PHLPP1: variants seen among roughly 807,000 people sequenced by gnomAD.
PHLPP1 encodes PH domain and leucine rich repeat protein phosphatase 1.
PHLPP1 carries 42 observed loss-of-function variants against 117.2 expected under a neutral mutation model. The ratio of observed to expected loss-of-function variants is 0.36; its 90% CI spans 0.28 to 0.46. The LOEUF is 0.46. Among genes scored for constraint, PHLPP1 ranks in the 20% least tolerant of loss-of-function variants. The pLI, the probability that PHLPP1 is intolerant of heterozygous loss-of-function variation, is 1.00. For missense variants in PHLPP1, 2,084 were observed against 2,241.9 expected (o/e 0.93, Z 1.42); for synonymous variants, 1,042 against 970.7 (o/e 1.07, Z -1.37).
intron 8 of PHLPP1, among the ~76,000 whole-genome samples, chr18:62,913,739 CTTTTTTT>C (rs398033174): frequency 9.9e-6 from 1 of 100,750 alleles, no homozygotes; most frequent in African/African-American, 4.0e-5. Flanking sequence ...CTCTCTCTCT[CTTTTTTT>C]TTTTTTTTTT....
intron 10 of PHLPP1, among the ~76,000 whole-genome samples, chr18:62,934,112 G>T (rs1328460980): frequency 5.3e-5 from 8 of 152,146 alleles, no homozygotes; most frequent in Non-Finnish European, 1.2e-4. Flanking sequence ...AACATACATT[G>T]TTGGTAGGAA....
chr18:62,766,105 A>ATATATATTATATATATATATATT (rs1400280407), intron 1 of PHLPP1, among the ~76,000 whole-genome samples: 1 of 59,480 alleles, frequency 1.7e-5, no homozygotes, highest in Admixed American at 2.0e-4. Context: ...ATATATATAA[A>ATATATATTATATATATATATATT]ATATATATAT....
chr18:62,768,352 C>T (rs1005842835), intron 1 of PHLPP1, among the ~76,000 whole-genome samples: 1 of 151,980 alleles, frequency 6.6e-6, no homozygotes, highest in Non-Finnish European at 1.5e-5. Context: ...AAAAACGGAA[C>T]CAGACATGAC....
rs140629534 is a variant in PHLPP1 at position 62,929,927 on chromosome 18, A to G, written c.2960+9813A>G. Among the ~76,000 whole-genome samples the G allele has an allele frequency of 1.1e-3, 168 of 152,298 alleles. 2 individuals are homozygous for G. In the East Asian group the frequency reaches 0.013, roughly 12 times the overall value. ...AGCTATGATTGGACCACTGCACTCT[A>G]GCCTGAGTGACAGACCGTCTCTAAA... On this transcript the variant is annotated intron_variant, in intron 10 of 16. Coordinates refer to ENST00000262719, the MANE Select transcript of PHLPP1 (RefSeq NM_194449.4).
chr18:62,951,067 C>T (rs531441222), intron 12 of PHLPP1, among the ~76,000 whole-genome samples: 7 of 151,812 alleles, frequency 4.6e-5, no homozygotes, highest in Admixed American at 1.3e-4. Context: ...CCGCAAGTTC[C>T]GCCTCCCAGG....
At chr18:62,890,042 G>A (rs1299920154) in intron 4 of PHLPP1, among the ~76,000 whole-genome samples, 2 of 151,718 alleles carry the variant, frequency 1.3e-5, no homozygotes, top group East Asian at 3.9e-4. Context: ...TTCTGTAGGG[G>A]GCACTTGGCA....
intron 10 of PHLPP1, among the ~76,000 whole-genome samples, chr18:62,925,438 C>T (rs963429895): frequency 2.0e-5 from 3 of 152,110 alleles, no homozygotes; most frequent in Non-Finnish European, 2.9e-5. Flanking sequence ...TTCAAATGAG[C>T]TTTGTGGTAA....
chr18:62,979,796 C>T lies in PHLPP1; in HGVS notation c.*365C>T, dbSNP rs1949760091. ...TGGAAGGCAGGGCAGGCTGCCGTTG[C>T]TAAATGATTTAATAATATTGTAATT... On this transcript the variant is annotated 3_prime_UTR_variant, in exon 17 of 17. Transcript: ENST00000262719. The T allele has an allele frequency of 5.2e-6, 1 of 192,294 alleles. No individual in the cohort carries two copies. The highest frequency in any genetic ancestry group is 2.3e-5 in the African/African-American group (1 of 42,686). The allele number at this position is 192,294 out of a possible 1,614,324, so 11.9% of individuals were successfully genotyped here. A position where few individuals can be genotyped will look rare whatever the true frequency, so the allele number is the denominator to read the frequency against.
chr18:62,933,306 A>G (rs1010234828), intron 10 of PHLPP1, among the ~76,000 whole-genome samples: 2 of 152,202 alleles, frequency 1.3e-5, no homozygotes, highest in Non-Finnish European at 2.9e-5. Context: ...AGCCAAAACA[A>G]TCCTAAGCAA....
Position 62,963,438 on chromosome 18 carries a change from C to T in PHLPP1, c.3526C>T (p.His1176Tyr). 1 of 1,613,126 alleles carries T rather than the reference C, an allele frequency of 6.2e-7. No individual in the cohort carries two copies. Among genetic ancestry groups the T allele is most frequent in the Non-Finnish European group, 8.5e-7 (1 of 1,179,466 alleles). ...TTCCGGAGCCCCAGCTGTATGGAGT[C>T]ATGGTTACACTGAAGCTTCGGGGGT... ...DASGAPAVWS[H>Y]GYTEASGVKN... Residue 1176 changes from histidine to tyrosine, a missense_variant, in exon 14 of 17, where the codon CAT becomes TAT. His to Tyr is a moderately conservative substitution (Grantham distance 83). Coordinates refer to ENST00000262719, the MANE Select transcript of PHLPP1 (RefSeq NM_194449.4).
intron 1 of PHLPP1, among the ~76,000 whole-genome samples, chr18:62,780,476 C>A (rs2144277884): frequency 6.6e-6 from 1 of 152,298 alleles, no homozygotes; most frequent in South Asian, 2.1e-4. Context: ...TTTAGCACAT[C>A]AGTTTTACTT....
rs566760310 is a variant in PHLPP1 at position 62,750,269 on chromosome 18, T to A, written c.1576+33010T>A. Among the ~76,000 whole-genome samples, 4 of 152,292 alleles carry A rather than the reference T, an allele frequency of 2.6e-5. No individual in the cohort carries two copies. The East Asian group carries it at 7.7e-4, about 29-fold the overall frequency. On this transcript the variant is annotated intron_variant, in intron 1 of 16. Coordinates refer to ENST00000262719, the MANE Select transcript of PHLPP1 (RefSeq NM_194449.4). ...CAAAGGGTGTTGTTATTACGTGCAG[T>A]TATGTGTTCACTGGAGATACATACA... is the stretch of plus-strand genomic sequence containing the variant.
intron 14 of PHLPP1, among the ~76,000 whole-genome samples, chr18:62,970,403 C>T (rs1360229261): frequency 6.6e-6 from 1 of 152,146 alleles, no homozygotes; most frequent in African/African-American, 2.4e-5. Flanking sequence ...TTGTTGTTGC[C>T]TCCCAATACC....
chr18:62,847,405 C>G (rs1915208386), intron 3 of PHLPP1, among the ~76,000 whole-genome samples: 1 of 152,140 alleles, frequency 6.6e-6, no homozygotes, highest in South Asian at 2.1e-4. Flanking sequence ...TGGTGGAACT[C>G]TGGAAAATTT....
chr18:62,914,737 C>G (rs1784732219), intron 8 of PHLPP1, among the ~76,000 whole-genome samples, 176 bp from the exon 9 acceptor site: 2 of 152,342 alleles, frequency 1.3e-5, no homozygotes, highest in African/African-American at 4.8e-5. Flanking sequence ...TATTTCTTCT[C>G]CCTATCACAA....
In PHLPP1 at chr18:62,766,102, T is replaced by TATATATATATAA. The variant is rs1491446982; in HGVS notation, c.1576+48844_1576+48845insTATATATATAAA. 3.1e-4 allele frequency among the ~76,000 whole-genome samples: 19 copies of TATATATATATAA among 60,692 alleles called. 1 individual carries two copies. The highest frequency in any genetic ancestry group is 1.0e-3 in the South Asian group (2 of 1,930). 39.8% of individuals were successfully genotyped at this position (60,692 alleles called of 152,430 possible). On this transcript the variant is annotated intron_variant, in intron 1 of 16. Transcript: ENST00000262719. ...ATATATATATATATATATATATATA[T>TATATATATATAA]AAAATATATATATATTTGTACAGAA...
chr18:62,922,270 G>A (rs925077503), intron 10 of PHLPP1, among the ~76,000 whole-genome samples: 2 of 152,090 alleles, frequency 1.3e-5, no homozygotes, highest in Non-Finnish European at 2.9e-5. Flanking sequence ...CCAAATAGCC[G>A]GGATTACAGG....
At chr18:62,920,936 A>G (rs1909448973) in intron 10 of PHLPP1, among the ~76,000 whole-genome samples, 2 of 152,230 alleles carry the variant, frequency 1.3e-5, no homozygotes, top group Non-Finnish European at 2.9e-5. Flanking sequence ...TTTGTTTTGA[A>G]CAAACAAAAT....
Position 62,905,206 on chromosome 18 carries a change from T to G in PHLPP1, c.2648-18T>G. 1 of 1,288,226 alleles carries G rather than the reference T, an allele frequency of 7.8e-7. No individual in the cohort carries two copies. The highest frequency in any genetic ancestry group is 1.0e-6 in the Non-Finnish European group (1 of 989,746). The allele number at this position is 1,288,226 out of a possible 1,614,324, so 79.8% of individuals were successfully genotyped here. ...TTGTATAGTAATGTCTTTGTGGGGT[T>G]TTTTTTTTTCTTCCTAGAACTTGTT... is the stretch of plus-strand genomic sequence containing the variant. On this transcript the variant is annotated intron_variant, in intron 7 of 16. Transcript: ENST00000262719.
Sources: allele counts gnomAD v4.1 joint callset (sites outside exome capture counted in the v4.1 genomes callset), GRCh38; gene constraint gnomAD v4.1.1; transcripts MANE v1.5; gene names NCBI Gene and HGNC (gene_info 2026-07-23, HGNC 2026-07-21).